TDRKH: variants seen among roughly 807,000 people sequenced by gnomAD.
TDRKH encodes tudor and KH domain containing, also known as tudor and KH domain-containing protein.
Under a neutral mutation model 61.3 loss-of-function variants are expected in TDRKH, and 28 were observed. The observed-to-expected ratio is 0.46, with a 90% CI of 0.34 to 0.63. The LOEUF (loss-of-function observed/expected upper bound fraction) is 0.63. Among genes scored for constraint, TDRKH ranks in the 20% least tolerant of loss-of-function variants. The pLI is 0.01. For synonymous variants in TDRKH, 219 were observed against 244.4 expected (o/e 0.90, Z 0.97); for missense variants, 540 against 683.4 (o/e 0.79, Z 2.34).
chr1:151,773,543 A>G lies in TDRKH; in HGVS notation c.*909T>C, dbSNP rs902743662. 2 of 152,642 alleles carry G rather than the reference A, an allele frequency of 1.3e-5. No individual in the cohort carries two copies. The highest frequency in any genetic ancestry group is 4.8e-5 in the African/African-American group (2 of 41,454). 9.5% of individuals were successfully genotyped at this position (152,642 alleles called of 1,614,324 possible). On this transcript the variant is annotated 3_prime_UTR_variant, in exon 13 of 13. Transcript: ENST00000368824. Reference sequence around the variant, plus strand: ...AAAAAATCCTCCAAATGATTCAAACAGGACTGTATACTCTTCCTCTCTCTC... The same window carrying G: ...AAAAAATCCTCCAAATGATTCAAACGGGACTGTATACTCTTCCTCTCTCTC...
chr1:151,775,261 C>G, intron 10 of TDRKH, 95 bp from the exon 11 acceptor site: 1 of 1,556,064 alleles, frequency 6.4e-7, no homozygotes, highest in Non-Finnish European at 8.8e-7. Context: ...TAAAGACATT[C>G]CTTTGGTGAG....
At chr1:151,769,573 T>C, downstream of TDRKH, 1 of 197,658 alleles carries the variant, frequency 5.1e-6, no homozygotes, top group South Asian at 7.8e-5. Flanking sequence ...GCGGAGACGC[T>C]CCTCACTTCC....
At chr1:151,766,818 GC>G (rs1558130923), downstream of TDRKH, 3 of 1,608,740 alleles carry the variant, frequency 1.9e-6, no homozygotes, top group Non-Finnish European at 2.5e-6. Flanking sequence ...GTCACCATAC[GC>G]CTATTACCTT....
intron 1 of TDRKH, among the ~76,000 whole-genome samples, chr1:151,784,602 CCT>C (rs1650143222): frequency 1.3e-5 from 2 of 152,148 alleles, no homozygotes; most frequent in Non-Finnish European, 2.9e-5. Context: ...TCCTGGTTTT[CCT>C]CTTTCCTTTC....
chr1:151,774,846 GC>G (rs771975341), intron 11 of TDRKH, 40 bp from the exon 12 acceptor site: 1 of 1,604,272 alleles, frequency 6.2e-7, no homozygotes, highest in South Asian at 1.1e-5. Context: ...GAACATGTTG[GC>G]TTTTAGGAAA....
intron 1 of TDRKH, among the ~76,000 whole-genome samples, chr1:151,786,162 G>C (rs1232534129): frequency 6.6e-6 from 1 of 152,164 alleles, no homozygotes; most frequent in Non-Finnish European, 1.5e-5. Context: ...GAAGAGTAAA[G>C]AGAGAAAGGA....
intron 1 of TDRKH, among the ~76,000 whole-genome samples, chr1:151,786,107 C>T (rs1650292213): frequency 6.6e-6 from 1 of 152,106 alleles, no homozygotes; most frequent in South Asian, 2.1e-4. Flanking sequence ...ACAAAACCTA[C>T]TGTGGAATAA....
downstream of TDRKH, chr1:151,767,546 T>G: frequency 4.4e-6 from 3 of 678,256 alleles, no homozygotes; most frequent in Non-Finnish European, 6.5e-6. Context: ...AAACAAACTC[T>G]GTAGGACTTC....
Position 151,774,297 on chromosome 1 carries a change from G to A in TDRKH, c.*155C>T. On this transcript the variant is annotated 3_prime_UTR_variant, in exon 13 of 13. Coordinates refer to ENST00000368824, the MANE Select transcript of TDRKH (RefSeq NM_001083965.2). ...TGAGAGCAAGTTAAGCTGCAGGAAA[G>A]CAGCTGCAGAGAAGTATATTAAGAC... 1.4e-6 allele frequency: 1 copy of A among 690,720 alleles called. No individual in the cohort carries two copies. The highest frequency in any genetic ancestry group is 2.0e-5 in the South Asian group (1 of 50,052). The allele number at this position is 690,720 out of a possible 1,614,324, so 42.8% of individuals were successfully genotyped here.
At chr1:151,790,252 T>TC (rs1650789485) in intron 1 of TDRKH, 128 bp downstream of exon 1, 3 of 152,050 alleles carry the variant, frequency 2.0e-5, no homozygotes, top group African/African-American at 7.3e-5. Context: ...GGGCTCTGAC[T>TC]CCCCCGCTGC....
At position 151,777,719 on chromosome 1, in the gene TDRKH, A is replaced by ATT. The variant is rs35582886; in HGVS notation, c.883+964_883+965dup. Among the ~76,000 whole-genome samples the ATT allele has an allele frequency of 1.4e-3, 181 of 129,706 alleles. 5 individuals carry two copies. In the Middle Eastern group the frequency reaches 0.016, roughly 12 times the overall value. The allele number at this position is 129,706 out of a possible 152,430, so 85.1% of individuals were successfully genotyped here. On this transcript the variant is annotated intron_variant, in intron 6 of 12. Coordinates refer to ENST00000368824, the MANE Select transcript of TDRKH (RefSeq NM_001083965.2). ...GTATTTCTTTTTAAAAAAATAGTTA[A>ATT]TTTTTTTTTTTTTTTTTTGAGACAG...
intron 1 of TDRKH, among the ~76,000 whole-genome samples, chr1:151,784,180 C>A (rs541697847): frequency 3.0e-4 from 45 of 152,218 alleles, no homozygotes; most frequent in Non-Finnish European, 3.8e-4. Context: ...CTGTTCTCTC[C>A]TGTGACCACA....
intron 2 of TDRKH, 124 bp from the exon 3 acceptor site, chr1:151,781,711 A>G: frequency 1.3e-6 from 1 of 778,428 alleles, no homozygotes; most frequent in Non-Finnish European, 2.1e-6. Flanking sequence ...GAGGATCTCA[A>G]CCATAACAAC....
At chr1:151,782,797 C>G in intron 2 of TDRKH, 102 bp downstream of exon 2, 1 of 1,424,330 alleles carries the variant, frequency 7.0e-7, no homozygotes, top group Non-Finnish European at 9.2e-7. Flanking sequence ...AACCCCAAAA[C>G]AAAACACACA....
intron 2 of TDRKH, among the ~76,000 whole-genome samples, chr1:151,782,462 A>G (rs1357535887): frequency 6.7e-6 from 1 of 149,390 alleles, no homozygotes; most frequent in Non-Finnish European, 1.5e-5. Flanking sequence ...AAAAAAAAAG[A>G]CTAAATAATT....
In TDRKH at chr1:151,776,559, T is replaced by C; in HGVS notation, c.924A>G (p.Leu308=). The change falls in exon 7 of 13, where the codon CTA becomes CTG. Residue 308 remains leucine (L), a synonymous_variant. Coordinates refer to ENST00000368824, the MANE Select transcript of TDRKH (RefSeq NM_001083965.2). ...PDFSFHADEY[L]EVYVSASEHP... is the part of the protein sequence containing the mutation. Reference sequence around the variant, plus strand: ...GCTCAGAAGCAGAAACGTAGACTTCTAGGTACTCATCAGCATGAAAACTGA... The same window carrying C: ...GCTCAGAAGCAGAAACGTAGACTTCCAGGTACTCATCAGCATGAAAACTGA... 6.2e-7 allele frequency: 1 copy of C among 1,614,120 alleles called. No individual in the cohort carries two copies. The highest frequency in any genetic ancestry group is 8.5e-7 in the Non-Finnish European group (1 of 1,180,028).
chr1:151,769,838 C>T (rs191547161), downstream of TDRKH, among the ~76,000 whole-genome samples: 80 of 152,322 alleles, frequency 5.3e-4, no homozygotes, highest in African/African-American at 1.8e-3. Context: ...CTCAGGAGGC[C>T]GAGGCTGGCA....
chr1:151,773,209 A>AT (rs939950038), downstream of TDRKH, among the ~76,000 whole-genome samples: 4 of 151,850 alleles, frequency 2.6e-5, no homozygotes, highest in African/African-American at 9.7e-5. Flanking sequence ...TGCCTGGCTA[A>AT]TTTTTTGTAT....
intron 2 of TDRKH, 51 bp from the exon 3 acceptor site, chr1:151,781,638 G>C: frequency 6.6e-7 from 1 of 1,514,870 alleles, no homozygotes; most frequent in South Asian, 1.1e-5. Flanking sequence ...CCCAAAGCTA[G>C]TATAACTACC....
Sources: gnomAD v4.1 joint callset for allele counts (sites outside exome capture counted in the v4.1 genomes callset) on GRCh38, gnomAD v4.1.1 for gene constraint, MANE v1.5 for transcripts, NCBI Gene and HGNC (gene_info 2026-07-23, HGNC 2026-07-21) for gene names.